ASF1A: variants seen among roughly 807,000 people sequenced by gnomAD.
ASF1A encodes the protein histone chaperone ASF1A.
A neutral mutation model predicts 22.0 loss-of-function variants in ASF1A; 5 were observed. That is an observed-to-expected ratio of 0.23 (90% CI 0.12 to 0.48). ASF1A has a LOEUF of 0.48. Ranked by LOEUF, ASF1A falls within the 20% of genes least tolerant of loss-of-function variation. The probability of loss-of-function intolerance (pLI) is 0.99; values close to 1 mark genes in which losing one functional copy is unlikely to be tolerated. For synonymous variants in ASF1A, 97 were observed against 86.7 expected, an observed-to-expected ratio of 1.12 and a Z score of -0.66; for missense variants, 137 against 240.6, an observed-to-expected ratio of 0.57 and a Z score of 2.85.
At chr6:118,907,111 A>C (rs2114557700) in intron 3 of ASF1A, among the ~76,000 whole-genome samples, 1 of 152,338 alleles carries the variant, frequency 6.6e-6, no homozygotes, top group Admixed American at 6.5e-5. Context: ...AAATGAGGAG[A>C]TTCTTTCTTT....
intron 1 of ASF1A, among the ~76,000 whole-genome samples, chr6:118,896,047 T>TG (rs1372390351): frequency 9.4e-5 from 14 of 148,752 alleles, no homozygotes; most frequent in African/African-American, 3.6e-4. Context: ...CCCCGTTTTT[T>TG]TTTTTTTTTT....
chr6:118,898,686 G>A lies in ASF1A; in HGVS notation c.110-2080G>A, dbSNP rs530248606. Among the ~76,000 whole-genome samples, 416 of 152,284 alleles carry A rather than the reference G, an allele frequency of 2.7e-3. 1 individual carries two copies. The highest frequency in any genetic ancestry group is 9.3e-3 in the African/African-American group (388 of 41,548). The stretch of plus-strand genomic sequence containing the variant: ...AGCCACCTTAGCCTCCCACAATGCT[G>A]GGATTACAGGCGTGAGCCACTGCGC... On this transcript the variant is annotated intron_variant, in intron 1 of 3. Transcript: ENST00000229595.
intron 1 of ASF1A, among the ~76,000 whole-genome samples, chr6:118,897,155 GA>G (rs1779478764): frequency 6.6e-6 from 1 of 152,052 alleles, no homozygotes; most frequent in African/African-American, 2.4e-5. Flanking sequence ...AGAATATTTT[GA>G]AAAGAATTTT....
Position 118,907,636 on chromosome 6 carries a change from C to T in ASF1A, c.*22C>T. On this transcript the variant is annotated 3_prime_UTR_variant, in exon 4 of 4. Transcript: ENST00000229595. ...GTGACCACCTACCATCCCTTTAGTA[C>T]AAATTAAGCTATTAAAAATACACAG... 2 of 1,567,976 alleles carry T rather than the reference C, an allele frequency of 1.3e-6. No individual in the cohort carries two copies. Among genetic ancestry groups the T allele is most frequent in the Non-Finnish European group, 1.8e-6 (2 of 1,139,222 alleles).
chr6:118,896,145 T>C (rs1207400364), intron 1 of ASF1A, among the ~76,000 whole-genome samples: 3 of 151,930 alleles, frequency 2.0e-5, no homozygotes. Flanking sequence ...AAATAGGCCA[T>C]TGATAACACT....
Position 118,900,903 on chromosome 6 carries a change from G to A in ASF1A, c.225+22G>A, listed in dbSNP as rs751864929. The stretch of plus-strand genomic sequence containing the variant: ...TCAGGTAAGATTAATCTTGGTAAAT[G>A]TGTATGCCAAATATGTTTCGAAGTA... On this transcript the variant is annotated intron_variant, in intron 2 of 3. Coordinates refer to ENST00000229595, the MANE Select transcript of ASF1A (RefSeq NM_014034.3). The A allele has an allele frequency of 5.3e-5, 78 of 1,461,816 alleles. No individual in the cohort carries two copies. In the East Asian group the frequency reaches 5.9e-4, roughly 11 times the overall value. The allele number at this position is 1,461,816 out of a possible 1,614,324, so 90.6% of individuals were successfully genotyped here.
rs1779182257 is a variant in ASF1A at position 118,894,255 on chromosome 6, C to T, written c.-159C>T. The T allele has an allele frequency of 6.9e-7, 1 of 1,454,356 alleles. No homozygotes were observed. Among genetic ancestry groups the T allele is most frequent in the Admixed American group, 2.6e-5 (1 of 39,032 alleles). 90.1% of individuals were successfully genotyped at this position (1,454,356 alleles called of 1,614,324 possible). ...AGCTGCAAAACACTGTGGAGTGCTC[C>T]CGTGTAAATAAAAAGAGGAAAAAAG... is the stretch of plus-strand genomic sequence containing the variant. On this transcript the variant is annotated 5_prime_UTR_variant, in exon 1 of 4. Transcript: ENST00000229595.
chr6:118,905,876 TA>T (rs752676280), intron 3 of ASF1A, 48 bp downstream of exon 3: 1 of 1,405,276 alleles, frequency 7.1e-7, no homozygotes, highest in Non-Finnish European at 9.6e-7. Flanking sequence ...ATGCAATTTT[TA>T]AAGCAGTTGC....
intron 1 of ASF1A, among the ~76,000 whole-genome samples, chr6:118,900,111 T>C (rs147976203): frequency 3.9e-5 from 6 of 152,332 alleles, no homozygotes; most frequent in African/African-American, 1.4e-4. Context: ...CTCTATTGTA[T>C]CACGTGGTGT....
intron 2 of ASF1A, among the ~76,000 whole-genome samples, chr6:118,902,690 G>A (rs533697543): frequency 1.3e-5 from 2 of 152,184 alleles, no homozygotes; most frequent in South Asian, 4.1e-4. Flanking sequence ...ATTTCCTGCT[G>A]GTGATCTTCA....
chr6:118,895,031 G>C (rs993227418), intron 1 of ASF1A, among the ~76,000 whole-genome samples: 1 of 152,160 alleles, frequency 6.6e-6, no homozygotes, highest in African/African-American at 2.4e-5. Context: ...GCCTGCCCCC[G>C]GCGAAAGGCA....
intron 1 of ASF1A, among the ~76,000 whole-genome samples, chr6:118,898,519 G>C (rs939805217): frequency 1.3e-5 from 2 of 151,674 alleles, no homozygotes; most frequent in Non-Finnish European, 2.9e-5. Context: ...CCGCCTCCAG[G>C]GTTCAGGCGA....
chr6:118,902,429 AAGC>A (rs1779862669), intron 2 of ASF1A, among the ~76,000 whole-genome samples: 1 of 152,158 alleles, frequency 6.6e-6, no homozygotes, highest in East Asian at 1.9e-4. Flanking sequence ...TTATATAAAA[AAGC>A]AGGACTTGCT....
intron 1 of ASF1A, among the ~76,000 whole-genome samples, chr6:118,898,106 A>G (rs946632859): frequency 2.0e-5 from 3 of 152,216 alleles, no homozygotes; most frequent in African/African-American, 7.2e-5. Flanking sequence ...GTAGTTACAG[A>G]GGCATAGCTT....
chr6:118,895,585 C>T (rs993374450), intron 1 of ASF1A, among the ~76,000 whole-genome samples: 1 of 151,984 alleles, frequency 6.6e-6, no homozygotes, highest in African/African-American at 2.4e-5. Flanking sequence ...TCCAAGAATT[C>T]TTGGTATTTT....
At chr6:118,904,604 C>T (rs144420291) in intron 2 of ASF1A, among the ~76,000 whole-genome samples, 114 of 152,330 alleles carry the variant, frequency 7.5e-4, no homozygotes, top group African/African-American at 2.3e-3. Context: ...TGCTCTTAGT[C>T]TAGTCTAACT....
intron 2 of ASF1A, among the ~76,000 whole-genome samples, chr6:118,902,100 T>G (rs564730139): frequency 6.6e-6 from 1 of 152,306 alleles, no homozygotes; most frequent in South Asian, 2.1e-4. Flanking sequence ...ATCAAATATA[T>G]GAATTAAAAG....
At chr6:118,899,469 G>A (rs138597880) in intron 1 of ASF1A, among the ~76,000 whole-genome samples, 277 of 152,162 alleles carry the variant, frequency 1.8e-3, no homozygotes, top group Middle Eastern at 0.01. Flanking sequence ...TCCCTCTGGC[G>A]AGATACTTAT....
intron 2 of ASF1A, among the ~76,000 whole-genome samples, chr6:118,903,207 T>C (rs1779925296): frequency 6.6e-6 from 1 of 152,216 alleles, no homozygotes; most frequent in Admixed American, 6.5e-5. Context: ...TGAACTATTA[T>C]ATATTTCCCA....
Sources: gnomAD v4.1 joint callset for allele counts (sites outside exome capture counted in the v4.1 genomes callset) on GRCh38, gnomAD v4.1.1 for gene constraint, MANE v1.5 for transcripts, NCBI Gene and HGNC (gene_info 2026-07-23, HGNC 2026-07-21) for gene names.